Variants in TNFRSF10A observed in about 807,000 individuals in gnomAD.
The protein encoded by TNFRSF10A is tumor necrosis factor receptor superfamily member 10A.
Under a neutral mutation model 42.8 loss-of-function variants are expected in TNFRSF10A, and 44 were observed. The ratio of observed to expected loss-of-function variants is 1.03; its 90% confidence interval spans 0.81 to 1.32. The LOEUF (loss-of-function observed/expected upper bound fraction) is 1.32, where lower values mean the gene tolerates loss of function less well. Ranked by LOEUF, TNFRSF10A falls within the 40% of genes most tolerant of loss-of-function variation. TNFRSF10A has a pLI of 0.00. For synonymous variants in TNFRSF10A, 259 were observed against 234.2 expected (o/e 1.11, Z -0.97); for missense variants, 680 against 602.0 (o/e 1.13, Z -1.36).
chr8:23,204,361 A>G (rs1325664858), intron 2 of TNFRSF10A, among the ~76,000 whole-genome samples: 4 of 152,214 alleles, frequency 2.6e-5, no homozygotes, highest in Admixed American at 1.3e-4. Flanking sequence ...AAAGTTAACT[A>G]TATGAAAATT....
intron 9 of TNFRSF10A, 71 bp downstream of exon 9, chr8:23,197,061 T>G: frequency 6.2e-7 from 1 of 1,600,462 alleles, no homozygotes; most frequent in South Asian, 1.1e-5. Context: ...CTCTCAGCAA[T>G]GGGGACACCA....
chr8:23,199,533 C>T (rs1490311609), intron 7 of TNFRSF10A, 85 bp from the exon 8 acceptor site: 2 of 1,495,072 alleles, frequency 1.3e-6, no homozygotes, highest in South Asian at 1.2e-5. Flanking sequence ...CTGCTGCCAC[C>T]ACCCCCTCCC....
At chr8:23,214,992 G>A (rs1340705088) in intron 1 of TNFRSF10A, among the ~76,000 whole-genome samples, 1 of 152,200 alleles carries the variant, frequency 6.6e-6, no homozygotes, top group Non-Finnish European at 1.5e-5. Context: ...GGGGTCTGAG[G>A]ATTAGCTGGT....
chr8:23,207,144 G>C (rs975874750), intron 2 of TNFRSF10A: 1 of 593,452 alleles, frequency 1.7e-6, no homozygotes, highest in Non-Finnish European at 3.2e-6. Flanking sequence ...ACTGACCACT[G>C]AGTATGCCAT....
intron 9 of TNFRSF10A, among the ~76,000 whole-genome samples, chr8:23,194,785 T>C (rs1056082992): frequency 6.6e-6 from 1 of 152,180 alleles, no homozygotes; most frequent in Non-Finnish European, 1.5e-5. Flanking sequence ...ATGGGATGTT[T>C]TAAGTAAATT....
chr8:23,200,797 A>G, intron 4 of TNFRSF10A, 37 bp from the exon 5 acceptor site: 1 of 1,587,086 alleles, frequency 6.3e-7, no homozygotes, highest in South Asian at 1.1e-5. Flanking sequence ...GGGACTCTTG[A>G]TGGAAAGCTG....
chr8:23,214,453 A>C (rs1801146851), intron 1 of TNFRSF10A, among the ~76,000 whole-genome samples: 1 of 151,334 alleles, frequency 6.6e-6, no homozygotes, highest in African/African-American at 2.4e-5. Flanking sequence ...GTGCCACTGC[A>C]CTCCAGCCTG....
intron 1 of TNFRSF10A, among the ~76,000 whole-genome samples, chr8:23,217,087 C>T (rs1025670692): frequency 2.0e-5 from 3 of 152,102 alleles, no homozygotes; most frequent in Admixed American, 6.6e-5. Flanking sequence ...TTCATCTGAT[C>T]GTTCTATCAG....
chr8:23,214,739 C>T (rs1801151917), intron 1 of TNFRSF10A, among the ~76,000 whole-genome samples: 1 of 152,168 alleles, frequency 6.6e-6, no homozygotes, highest in Admixed American at 6.5e-5. Context: ...TACACACAGA[C>T]ATACACACGC....
At chr8:23,199,968 C>T in intron 6 of TNFRSF10A, 51 bp from the exon 7 acceptor site, 2 of 1,612,056 alleles carry the variant, frequency 1.2e-6, no homozygotes, top group Non-Finnish European at 1.7e-6. Flanking sequence ...CCATGCAGCA[C>T]TCCTTCTTAG....
chr8:23,208,863 T>C (rs1319993318), intron 2 of TNFRSF10A, among the ~76,000 whole-genome samples: 4 of 152,214 alleles, frequency 2.6e-5, no homozygotes, highest in African/African-American at 9.7e-5. Flanking sequence ...TAAAGATGGC[T>C]GCATAAATTT....
chr8:23,213,981 G>A (rs1301817361), intron 1 of TNFRSF10A, among the ~76,000 whole-genome samples: 1 of 151,922 alleles, frequency 6.6e-6, no homozygotes, highest in Non-Finnish European at 1.5e-5. Flanking sequence ...ACATGGATAA[G>A]TTCTTTAGTG....
Position 23,224,800 on chromosome 8 carries a change from C to T in TNFRSF10A, c.262G>A (p.Val88Ile). ...PAREASPRLR[V>I]HKTFKFVVVG... Reference sequence around the variant, plus strand: ...ACGACAAACTTGAAGGTCTTGTGGACCCGGAGCCGAGGGCTGGCTTCCCGC... The same window carrying T: ...ACGACAAACTTGAAGGTCTTGTGGATCCGGAGCCGAGGGCTGGCTTCCCGC... Residue 88 changes from valine to isoleucine, a missense_variant, in exon 1 of 10, where the codon GTC becomes ATC. By Grantham distance (29) the Val-to-Ile change is conservative. Transcript: ENST00000221132. The T allele has an allele frequency of 6.4e-7, 1 of 1,568,226 alleles. No homozygotes were observed. The highest frequency in any genetic ancestry group is 8.6e-7 in the Non-Finnish European group (1 of 1,156,734).
chr8:23,201,610 G>T (rs1236916202), intron 4 of TNFRSF10A, among the ~76,000 whole-genome samples, 198 bp downstream of exon 4: 1 of 152,240 alleles, frequency 6.6e-6, no homozygotes, highest in South Asian at 2.1e-4. Context: ...GGGGACAGGG[G>T]TGGGGACAGG....
intron 7 of TNFRSF10A, 95 bp downstream of exon 7, chr8:23,199,791 T>A (rs1030889943): frequency 1.3e-6 from 2 of 1,556,960 alleles, no homozygotes; most frequent in African/African-American, 2.7e-5. Context: ...AGGGCAGCCA[T>A]GAGAGCACGG....
chr8:23,197,132 T>C lies in TNFRSF10A; in HGVS notation c.1087A>G (p.Thr363Ala). The change falls in exon 9 of 10, where the codon ACT becomes GCT. Residue 363 changes from threonine to alanine, a missense_variant and splice_region_variant. Physicochemically the swap from Thr to Ala is moderately conservative, Grantham distance 58 (BLOSUM62 0). Coordinates refer to ENST00000221132, the MANE Select transcript of TNFRSF10A (RefSeq NM_003844.4). ...GCATCTCCAGGAGCAAAACACTTACTCTCAGTGGGGTCAGCACCATTTGCT... is the reference window on the plus strand; with the variant it reads ...GCATCTCCAGGAGCAAAACACTTACCCTCAGTGGGGTCAGCACCATTTGCT... Reference protein sequence around the residue: ...VPANGADPTETLMLFFDKFAN... With the variant: ...VPANGADPTEALMLFFDKFAN... 6.2e-7 allele frequency: 1 copy of C among 1,614,128 alleles called. No homozygotes were observed. The highest frequency in any genetic ancestry group is 8.5e-7 in the Non-Finnish European group (1 of 1,179,986).
intron 2 of TNFRSF10A, among the ~76,000 whole-genome samples, chr8:23,205,737 G>A (rs1800995967): frequency 6.9e-6 from 1 of 145,400 alleles, no homozygotes; most frequent in African/African-American, 2.5e-5. Flanking sequence ...TTGAGAAGGA[G>A]TCACACTCCG....
At chr8:23,201,324 T>C (rs1800916451) in intron 4 of TNFRSF10A, among the ~76,000 whole-genome samples, 7 of 152,152 alleles carry the variant, frequency 4.6e-5, no homozygotes, top group Admixed American at 4.6e-4. Flanking sequence ...TTGAAGGAGC[T>C]CCACCCATGG....
chr8:23,202,373 C>T (rs777729921), intron 3 of TNFRSF10A, among the ~76,000 whole-genome samples: 16 of 152,324 alleles, frequency 1.1e-4, no homozygotes, highest in Admixed American at 5.2e-4. Flanking sequence ...CCCGTACCAC[C>T]GCTGAAACTC....
Sources: allele counts gnomAD v4.1 joint callset (sites outside exome capture counted in the v4.1 genomes callset), GRCh38; gene constraint gnomAD v4.1.1; transcripts MANE v1.5; gene names NCBI Gene and HGNC (gene_info 2026-07-23, HGNC 2026-07-21).